ELOVL4: variants seen among roughly 807,000 people sequenced by gnomAD.
ELOVL4 encodes ELOVL fatty acid elongase 4, also known as very long chain fatty acid elongase 4.
A neutral mutation model predicts 42.1 loss-of-function variants in ELOVL4; 18 were observed. That is an observed-to-expected ratio of 0.43 (90% confidence interval 0.30 to 0.63). ELOVL4 has a LOEUF of 0.63. Ranked by LOEUF, ELOVL4 falls within the 30% of genes least tolerant of loss-of-function variation. The pLI is 0.15. For synonymous variants in ELOVL4, 117 were observed against 127.0 expected (o/e 0.92, Z 0.53); for missense variants, 299 against 376.2 (o/e 0.79, Z 1.70).
rs934277340 is a variant in ELOVL4 at position 79,925,050 on chromosome 6, A to C, written c.289-18T>G. On this transcript the variant is annotated intron_variant, in intron 2 of 5. Transcript: ENST00000369816. ...ATGAATAACTGGAAAAAGAGTAATA[A>C]TATTTGTAGTAAAGTTTTAGTAAAC... 6.6e-7 allele frequency: 1 copy of C among 1,520,754 alleles called. No homozygotes were observed. 94.2% of individuals were successfully genotyped at this position (1,520,754 alleles called of 1,614,324 possible).
At chr6:79,923,278 G>A (rs1164418236) in intron 3 of ELOVL4, among the ~76,000 whole-genome samples, 2 of 152,172 alleles carry the variant, frequency 1.3e-5, no homozygotes, top group East Asian at 1.9e-4. Flanking sequence ...GGAGAAGAGA[G>A]CACGAGGAAG....
intron 1 of ELOVL4, among the ~76,000 whole-genome samples, chr6:79,937,728 A>G (rs1371685477): frequency 6.6e-6 from 1 of 152,206 alleles, no homozygotes; most frequent in Non-Finnish European, 1.5e-5. Context: ...TGGGAAGGAG[A>G]AAGATCTTGA....
chr6:79,947,107 G>C (rs1774759226), intron 1 of ELOVL4, 73 bp downstream of exon 1: 6 of 1,271,212 alleles, frequency 4.7e-6, no homozygotes, highest in South Asian at 2.5e-5. Flanking sequence ...GGCCGGGCCC[G>C]GGAGCTGCGA....
At chr6:79,945,527 C>T (rs1774723262) in intron 1 of ELOVL4, among the ~76,000 whole-genome samples, 1 of 152,018 alleles carries the variant, frequency 6.6e-6, no homozygotes. Flanking sequence ...GGGAAAGCTC[C>T]GGGATAGGAT....
At chr6:79,920,671 T>C (rs185088989) in intron 4 of ELOVL4, among the ~76,000 whole-genome samples, 2,193 of 152,342 alleles carry the variant, frequency 0.014, 29 homozygotes, top group South Asian at 0.038. Flanking sequence ...ACAAAGTTTG[T>C]GTACTCTGAA....
At position 79,947,111 on chromosome 6, in the gene ELOVL4, G is replaced by T. The variant is rs1774759438; in HGVS notation, c.100+69C>A. Reference sequence around the variant, plus strand: ...GGGGCCTGTGGGGCCGGGCCCGGGAGCTGCGAGACCAGGGGCCGGTGACCC... The same window carrying T: ...GGGGCCTGTGGGGCCGGGCCCGGGATCTGCGAGACCAGGGGCCGGTGACCC... On this transcript the variant is annotated intron_variant, in intron 1 of 5. Transcript: ENST00000369816. 3.8e-6 allele frequency: 5 copies of T among 1,303,540 alleles called. No individual in the cohort carries two copies. The East Asian group carries it at 9.9e-5, about 26-fold the overall frequency. The allele number at this position is 1,303,540 out of a possible 1,614,324, so 80.7% of individuals were successfully genotyped here. A position where few individuals can be genotyped will look rare whatever the true frequency, so the allele number is the denominator to read the frequency against.
chr6:79,924,197 C>A lies in ELOVL4; in HGVS notation c.369+755G>T, dbSNP rs184701318. 1.5e-3 allele frequency among the ~76,000 whole-genome samples: 234 copies of A among 152,076 alleles called. 3 individuals are homozygous for A. In the East Asian group the frequency reaches 0.04, roughly 26 times the overall value. The stretch of plus-strand genomic sequence containing the variant: ...TTATTTTTCTGCAAATATAAAAAAA[C>A]TGAGTTTATGCCAATACAAATTGTT... On this transcript the variant is annotated intron_variant, in intron 3 of 5. Transcript: ENST00000369816.
At chr6:79,947,038 G>A (rs887481370) in intron 1 of ELOVL4, 142 bp downstream of exon 1, 2 of 700,218 alleles carry the variant, frequency 2.9e-6, no homozygotes, top group South Asian at 1.6e-5. Flanking sequence ...CGCAGTGCCC[G>A]CGCCGGCCCC....
intron 1 of ELOVL4, among the ~76,000 whole-genome samples, chr6:79,931,060 T>C (rs1774434285): frequency 6.6e-6 from 1 of 152,202 alleles, no homozygotes; most frequent in African/African-American, 2.4e-5. Flanking sequence ...TGTAGCATTC[T>C]TGGGAATTTC....
chr6:79,928,239 C>T (rs960938130), intron 1 of ELOVL4, among the ~76,000 whole-genome samples: 9 of 152,062 alleles, frequency 5.9e-5, no homozygotes, highest in South Asian at 2.1e-4. Context: ...TTAAGGCAGG[C>T]GCTGTTTTTC....
In ELOVL4 at chr6:79,915,156, T is replaced by C. The variant is rs887754824; in HGVS notation, c.*1452A>G. The stretch of plus-strand genomic sequence containing the variant: ...TGTTGAGATACTTAAGAAATATTCA[T>C]GCTTTTTTTTGGTCACATTTTGTCT... On this transcript the variant is annotated 3_prime_UTR_variant, in exon 6 of 6. Transcript: ENST00000369816. 3 of 152,428 alleles carry C rather than the reference T, an allele frequency of 2.0e-5. No individual in the cohort carries two copies. The highest frequency in any genetic ancestry group is 2.9e-5 in the Non-Finnish European group (2 of 67,996). The allele number at this position is 152,428 out of a possible 1,614,324, so 9.4% of individuals were successfully genotyped here. A position where few individuals can be genotyped will look rare whatever the true frequency, so the allele number is the denominator to read the frequency against.
chr6:79,943,329 G>A (rs1042295467), intron 1 of ELOVL4, among the ~76,000 whole-genome samples: 1 of 152,024 alleles, frequency 6.6e-6, no homozygotes, highest in African/African-American at 2.4e-5. Context: ...ATGACTCACT[G>A]GCCTGACCCT....
chr6:79,937,230 C>T (rs1368611441), intron 1 of ELOVL4, among the ~76,000 whole-genome samples: 1 of 152,010 alleles, frequency 6.6e-6, no homozygotes, highest in Non-Finnish European at 1.5e-5. Context: ...ATAACAGTTA[C>T]CCAAGAGCCT....
At chr6:79,924,920 T>C in intron 3 of ELOVL4, 32 bp downstream of exon 3, 1 of 1,386,044 alleles carries the variant, frequency 7.2e-7, no homozygotes. Context: ...CAAACCACTT[T>C]TACTGATTAA....
At chr6:79,928,554 A>T (rs1774385085) in intron 1 of ELOVL4, among the ~76,000 whole-genome samples, 1 of 152,122 alleles carries the variant, frequency 6.6e-6, no homozygotes, top group African/African-American at 2.4e-5. Context: ...AAATTTAAAG[A>T]GAGGACTACC....
chr6:79,919,498 T>C lies in ELOVL4; in HGVS notation c.591A>G (p.Ser197=), dbSNP rs1774216267. 1.9e-6 allele frequency: 3 copies of C among 1,613,506 alleles called. No individual in the cohort carries two copies. Among genetic ancestry groups the C allele is most frequent in the Non-Finnish European group, 2.5e-6 (3 of 1,179,580 alleles). Residue 197 remains serine (S), a synonymous_variant, in exon 5 of 6, where the codon TCA becomes TCG. Transcript: ENST00000369816. ...LNSFIHVIMY[S]YYGLTAFGPW... is the part of the protein sequence containing the mutation. ...GGCCAAATGCAGTTAACCCATAGTA[T>C]GAGTACATAATCACATGGATAAAGG...
chr6:79,939,930 T>C (rs1774618465), intron 1 of ELOVL4, among the ~76,000 whole-genome samples: 1 of 152,220 alleles, frequency 6.6e-6, no homozygotes, highest in African/African-American at 2.4e-5. Flanking sequence ...CATGTCAGAA[T>C]TTCTTTCCTT....
chr6:79,922,199 T>C (rs1774270705), intron 3 of ELOVL4, among the ~76,000 whole-genome samples: 1 of 152,158 alleles, frequency 6.6e-6, no homozygotes, highest in Non-Finnish European at 1.5e-5. Flanking sequence ...TCAGAAAAAC[T>C]TGCAAGTAAG....
intron 1 of ELOVL4, among the ~76,000 whole-genome samples, chr6:79,944,157 T>C (rs1409381712): frequency 1.3e-5 from 2 of 152,206 alleles, no homozygotes; most frequent in Non-Finnish European, 2.9e-5. Context: ...AAAGCATGAA[T>C]AAATGAATAA....
Sources: gnomAD v4.1 joint callset for allele counts (sites outside exome capture counted in the v4.1 genomes callset) on GRCh38, gnomAD v4.1.1 for gene constraint, MANE v1.5 for transcripts, NCBI Gene and HGNC (gene_info 2026-07-23, HGNC 2026-07-21) for gene names.